ITSN2: variants seen among roughly 807,000 people sequenced by gnomAD.
The protein encoded by ITSN2 is intersectin 2.
ITSN2 carries 156 observed loss-of-function variants against 243.7 expected under a neutral mutation model. The observed-to-expected ratio is 0.64, with a 90% confidence interval of 0.56 to 0.73. ITSN2 has a LOEUF of 0.73. Among genes scored for constraint, ITSN2 ranks in the 30% least tolerant of loss-of-function variants. The probability of loss-of-function intolerance (pLI) is 0.00; values close to 1 mark genes in which losing one functional copy is unlikely to be tolerated. For synonymous variants in ITSN2, 703 were observed against 699.9 expected, an observed-to-expected ratio of 1.00 and a Z score of -0.07; for missense variants, 1,801 against 1,996.1, an observed-to-expected ratio of 0.90 and a Z score of 1.86.
chr2:24,204,597 A>T lies in ITSN2; in HGVS notation c.4763-179T>A, dbSNP rs753446059. 1 of 682,144 alleles carries T rather than the reference A, an allele frequency of 1.5e-6. No homozygotes were observed. Among genetic ancestry groups the T allele is most frequent in the South Asian group, 1.5e-5 (1 of 66,868 alleles). 42.3% of individuals were successfully genotyped at this position (682,144 alleles called of 1,614,324 possible). On this transcript the variant is annotated intron_variant, in intron 38 of 39. Transcript: ENST00000355123. The surrounding 1 kb of genome is among the most constrained non-coding windows in gnomAD (Gnocchi z 5.1). Reference sequence around the variant, plus strand: ...CTAGTAACAGGGTCTCCAAGTTCCCAGTGCTGACAGCAGCATTAACTGGGG... The same window carrying T: ...CTAGTAACAGGGTCTCCAAGTTCCCTGTGCTGACAGCAGCATTAACTGGGG...
chr2:24,317,652 A>G (rs1684086374), intron 2 of ITSN2, among the ~76,000 whole-genome samples: 1 of 152,248 alleles, frequency 6.6e-6, no homozygotes, highest in South Asian at 2.1e-4. Context: ...GACAGATTAA[A>G]GACACCCTCC....
intron 29 of ITSN2, among the ~76,000 whole-genome samples, chr2:24,229,275 G>T (rs997802308): frequency 7.2e-5 from 11 of 152,110 alleles, no homozygotes; most frequent in Non-Finnish European, 1.6e-4. Context: ...ACATACAAGA[G>T]ACTATACATT....
chr2:24,330,596 G>C (rs955560169), intron 1 of ITSN2: 4 of 854,202 alleles, frequency 4.7e-6, no homozygotes, highest in Non-Finnish European at 7.9e-6. Context: ...CTGGCAAGGA[G>C]GGGAATAACC....
At chr2:24,216,366 T>C in intron 31 of ITSN2, 134 bp from the exon 32 acceptor site, 1 of 687,854 alleles carries the variant, frequency 1.5e-6, no homozygotes, top group Non-Finnish European at 2.3e-6. Context: ...GAAGGAGAAC[T>C]CAAGAGGAAG....
chr2:24,209,202 A>C lies in ITSN2; in HGVS notation c.4493T>G (p.Val1498Gly). ...AGGGTCTGTGGGCAGTTTCACCAAG[A>C]CTTCATTCAGGAAAATGGGCTGAAA... is the stretch of plus-strand genomic sequence containing the variant. ...MYKTPIFLNE[V>G]LVKLPTDPSS... Residue 1498 changes from valine to glycine, a missense_variant, in exon 36 of 40, where the codon GTC becomes GGC. By Grantham distance (109) the Val-to-Gly change is moderately radical (BLOSUM62 -3). Transcript: ENST00000355123. 6.2e-7 allele frequency: 1 copy of C among 1,614,102 alleles called. No individual in the cohort carries two copies. Among genetic ancestry groups the C allele is most frequent in the South Asian group, 1.1e-5 (1 of 91,082 alleles).
intron 5 of ITSN2, among the ~76,000 whole-genome samples, chr2:24,311,319 A>G (rs1246456900): frequency 6.6e-6 from 1 of 152,216 alleles, no homozygotes; most frequent in Non-Finnish European, 1.5e-5. Context: ...ATGGTCACAC[A>G]ATGATTTAGT....
intron 20 of ITSN2, among the ~76,000 whole-genome samples, chr2:24,264,880 T>A (rs1353628591): frequency 6.8e-6 from 1 of 147,846 alleles, no homozygotes; most frequent in African/African-American, 2.5e-5. Flanking sequence ...CTTTTCAAAG[T>A]TGTTTTGCTT....
intron 34 of ITSN2, 128 bp from the exon 35 acceptor site, chr2:24,210,161 T>A (rs1669325325): frequency 3.1e-6 from 2 of 653,566 alleles, no homozygotes; most frequent in South Asian, 3.8e-5. Flanking sequence ...GCTAGAATCA[T>A]TCACTTTGCA....
chr2:24,204,490 G>A lies in ITSN2; in HGVS notation c.4763-72C>T. 2.2e-6 allele frequency: 3 copies of A among 1,372,714 alleles called. No individual in the cohort carries two copies. The highest frequency in any genetic ancestry group is 3.1e-6 in the Non-Finnish European group (3 of 961,356). 85.0% of individuals were successfully genotyped at this position (1,372,714 alleles called of 1,614,324 possible). The stretch of plus-strand genomic sequence containing the variant: ...CGAAGCGACTGACAGTGCCCTCCCT[G>A]AGCAGAAGCAGGATTCCAATAATGG... On this transcript the variant is annotated intron_variant, in intron 38 of 39. Coordinates refer to ENST00000355123, the MANE Select transcript of ITSN2 (RefSeq NM_006277.3). The surrounding 1 kb of genome is among the most constrained non-coding windows in gnomAD (Gnocchi z 5.1).
intron 29 of ITSN2, among the ~76,000 whole-genome samples, chr2:24,236,851 T>C (rs1274025789): frequency 6.6e-6 from 1 of 151,496 alleles, no homozygotes; most frequent in Non-Finnish European, 1.5e-5. Flanking sequence ...TATCTATCTA[T>C]CTATCTTTTA....
chr2:24,259,536 G>A (rs1675529909), intron 22 of ITSN2, among the ~76,000 whole-genome samples: 1 of 152,282 alleles, frequency 6.6e-6, no homozygotes, highest in East Asian at 1.9e-4. Context: ...GGTATTAAAT[G>A]CTTCCCAAAT....
In ITSN2 at chr2:24,203,212, C is replaced by T. The variant is rs1008550334; in HGVS notation, c.*414G>A. 1.3e-5 allele frequency: 2 copies of T among 158,836 alleles called. No individual in the cohort carries two copies. Among genetic ancestry groups the T allele is most frequent in the African/African-American group, 4.8e-5 (2 of 41,644 alleles). The allele number at this position is 158,836 out of a possible 1,614,324, so 9.8% of individuals were successfully genotyped here. On this transcript the variant is annotated 3_prime_UTR_variant, in exon 40 of 40. Coordinates refer to ENST00000355123, the MANE Select transcript of ITSN2 (RefSeq NM_006277.3). ...GCAGCCTCTCATCCTGACCCTTCCC[C>T]TCCTGAGTGGCTGTGACCCAGCAGA... is the stretch of plus-strand genomic sequence containing the variant.
intron 29 of ITSN2, 115 bp from the exon 30 acceptor site, chr2:24,221,181 C>T: frequency 2.5e-6 from 3 of 1,178,400 alleles, no homozygotes; most frequent in Non-Finnish European, 3.6e-6. Context: ...ATGACGCAGC[C>T]TTAAAAAGGA....
At chr2:24,355,073 T>C (rs1329281277) in intron 1 of ITSN2, among the ~76,000 whole-genome samples, 4 of 152,194 alleles carry the variant, frequency 2.6e-5, no homozygotes, top group African/African-American at 9.6e-5. Flanking sequence ...TCCCTTCCTC[T>C]CCCACTTCCT....
At chr2:24,281,726 T>C (rs1678804992) in intron 17 of ITSN2, among the ~76,000 whole-genome samples, 2 of 152,240 alleles carry the variant, frequency 1.3e-5, no homozygotes, top group African/African-American at 4.8e-5. Context: ...CTGAGATGTC[T>C]ATTTCATGCC....
At chr2:24,218,046 T>C (rs1276519427) in intron 30 of ITSN2, 33 bp from the exon 31 acceptor site, 2 of 1,414,840 alleles carry the variant, frequency 1.4e-6, no homozygotes, top group Non-Finnish European at 1.0e-6. Context: ...CTAGTTAGCT[T>C]AAGTGTGGAT....
intron 23 of ITSN2, 123 bp from the exon 24 acceptor site, chr2:24,254,554 G>A (rs1674774214): frequency 1.5e-6 from 1 of 669,690 alleles, no homozygotes; most frequent in Non-Finnish European, 2.6e-6. Flanking sequence ...ATTAAATATA[G>A]TCTTAGTACA....
chr2:24,286,373 GT>G, intron 15 of ITSN2, 22 bp from the exon 16 acceptor site: 1 of 1,607,722 alleles, frequency 6.2e-7, no homozygotes, highest in Non-Finnish European at 8.5e-7. Context: ...ACATCAGACA[GT>G]TTACATTTTG....
At chr2:24,237,344 A>C (rs2247157) in intron 29 of ITSN2, among the ~76,000 whole-genome samples, 148,744 of 152,106 alleles carry the variant, frequency 0.98, 72,726 homozygotes, top group East Asian at 0.99. Context: ...GAAAATAGCA[A>C]AATAATCTCT....
Sources: allele counts gnomAD v4.1 joint callset (sites outside exome capture counted in the v4.1 genomes callset), GRCh38; gene constraint gnomAD v4.1.1; non-coding constraint Gnocchi (gnomAD v3.1); transcripts MANE v1.5; gene names NCBI Gene and HGNC (gene_info 2026-07-23, HGNC 2026-07-21).